LPCAT2: variants seen among roughly 807,000 people sequenced by gnomAD.
LPCAT2 encodes the protein 1-AGP acyltransferase 11.
A neutral mutation model predicts 64.7 loss-of-function variants in LPCAT2; 58 were observed. That is an observed-to-expected ratio of 0.90 (90% CI 0.73 to 1.12). LPCAT2 has a LOEUF of 1.12. Among genes scored for constraint, LPCAT2 ranks in the 50% most tolerant of loss-of-function variants. The pLI is 0.00. For synonymous variants in LPCAT2, 252 were observed against 245.3 expected (o/e 1.03, Z -0.26); for missense variants, 579 against 669.8 (o/e 0.86, Z 1.50).
At chr16:55,527,693 A>G (rs989681268) in intron 2 of LPCAT2, among the ~76,000 whole-genome samples, 1 of 152,156 alleles carries the variant, frequency 6.6e-6, no homozygotes, top group Non-Finnish European at 1.5e-5. Flanking sequence ...TAACTAATCT[A>G]TAATGGCAGA....
At chr16:55,528,843 T>C (rs1378652279) in intron 3 of LPCAT2, among the ~76,000 whole-genome samples, 1 of 152,200 alleles carries the variant, frequency 6.6e-6, no homozygotes, top group African/African-American at 2.4e-5. Flanking sequence ...TCTGTTCTTA[T>C]ATATAGCCAG....
At position 55,561,217 on chromosome 16, in the gene LPCAT2, T is replaced by A. The variant is rs184549317; in HGVS notation, c.1215+10115T>A. Among the ~76,000 whole-genome samples the A allele has an allele frequency of 2.6e-5, 4 of 152,186 alleles. No homozygotes were observed. The Middle Eastern group carries it at 0.01, about 391-fold the overall frequency. ...CGTATTTTGCTTATCCATTTGCCAGTTGGTAAACATTTAGGTTGTTTCCAT... is the reference window on the plus strand; with the variant it reads ...CGTATTTTGCTTATCCATTTGCCAGATGGTAAACATTTAGGTTGTTTCCAT... On this transcript the variant is annotated intron_variant, in intron 11 of 13. Transcript: ENST00000262134.
rs762716133 is a variant in LPCAT2, at chr16:55,550,995, A to G, written c.1108A>G (p.Ile370Val). 4.3e-6 allele frequency: 7 copies of G among 1,610,538 alleles called. No individual in the cohort carries two copies. The Admixed American group carries it at 1.0e-4, about 23-fold the overall frequency. Reference sequence around the variant, plus strand: ...TAAGCATTTGGATGAATATGCATCTATTGCGAGTTCCTCAAAAGGAGGAAG... The same window carrying G: ...TAAGCATTTGGATGAATATGCATCTGTTGCGAGTTCCTCAAAAGGAGGAAG... ...VRKHLDEYAS[I>V]ASSSKGGRIG... Residue 370 changes from isoleucine (I) to valine (V), a missense_variant, in exon 11 of 14, where the codon ATT (isoleucine) becomes GTT (valine). Physicochemically the swap from Ile to Val is conservative, Grantham distance 29. Coordinates refer to ENST00000262134, the MANE Select transcript of LPCAT2 (RefSeq NM_017839.5).
rs766483361 is a variant in LPCAT2, at chr16:55,509,303, C to T, written c.122C>T (p.Pro41Leu). 4.0e-6 allele frequency: 6 copies of T among 1,508,042 alleles called. No individual in the cohort carries two copies. In the South Asian group the frequency reaches 7.5e-5, roughly 19 times the overall value. 93.4% of individuals were successfully genotyped at this position (1,508,042 alleles called of 1,614,324 possible). ...GCGTCCTTCTTCCCGCCGCCGGTGCCGAACCCCTTCGTGCAGCAGACGCAG... is the reference window on the plus strand; with the variant it reads ...GCGTCCTTCTTCCCGCCGCCGGTGCTGAACCCCTTCGTGCAGCAGACGCAG... ...RQASFFPPPV[P>L]NPFVQQTQIG... The change falls in exon 1 of 14, where the codon CCG becomes CTG. Residue 41 changes from proline (P) to leucine (L), a missense_variant. Coordinates refer to ENST00000262134, the MANE Select transcript of LPCAT2 (RefSeq NM_017839.5).
At chr16:55,528,637 C>T (rs1326148015) in intron 3 of LPCAT2, 43 bp downstream of exon 3, 3 of 1,425,136 alleles carry the variant, frequency 2.1e-6, no homozygotes, top group East Asian at 4.6e-5. Flanking sequence ...TTTTCATGCT[C>T]ATGCTTTAAA....
chr16:55,535,574 C>T (rs550463078), intron 7 of LPCAT2, among the ~76,000 whole-genome samples: 2 of 152,176 alleles, frequency 1.3e-5, no homozygotes, highest in South Asian at 4.1e-4. Flanking sequence ...CTTTCACTTA[C>T]CAGGAAATCA....
intron 12 of LPCAT2, among the ~76,000 whole-genome samples, chr16:55,577,695 C>G (rs189191426): frequency 6.6e-6 from 1 of 152,272 alleles, no homozygotes; most frequent in Admixed American, 6.5e-5. Context: ...CCTTATTTTG[C>G]TGCATGACTT....
chr16:55,525,640 T>G lies in LPCAT2; in HGVS notation c.304T>G (p.Trp102Gly). 1 of 1,600,164 alleles carries G rather than the reference T, an allele frequency of 6.2e-7. No individual in the cohort carries two copies. The highest frequency in any genetic ancestry group is 8.5e-7 in the Non-Finnish European group (1 of 1,174,526). The change falls in exon 2 of 14, where the codon TGG becomes GGG. Residue 102 changes from tryptophan to glycine, a missense_variant. Trp to Gly is a radical substitution (Grantham distance 184). Transcript: ENST00000262134. ...AAAGCTGACCCACCCAATAACTGGT[T>G]GGAGGAGGTAAGAAATAATTTTGTC... ...PEKLTHPITGWRRKITQTALK... is the reference protein window; with the variant it reads ...PEKLTHPITGGRRKITQTALK...
chr16:55,526,906 A>T (rs1963178880), intron 2 of LPCAT2, among the ~76,000 whole-genome samples: 1 of 152,198 alleles, frequency 6.6e-6, no homozygotes, highest in African/African-American at 2.4e-5. Context: ...CCAGACTTAG[A>T]GCCATTCTTT....
At chr16:55,563,644 A>C (rs1183242227) in intron 11 of LPCAT2, among the ~76,000 whole-genome samples, 1 of 151,992 alleles carries the variant, frequency 6.6e-6, no homozygotes, top group African/African-American at 2.4e-5. Context: ...TGCATTTGAC[A>C]AAATTCAGTA....
At chr16:55,561,193 G>A (rs1046264693) in intron 11 of LPCAT2, among the ~76,000 whole-genome samples, 3 of 151,810 alleles carry the variant, frequency 2.0e-5, no homozygotes, top group Non-Finnish European at 4.4e-5. Context: ...TGGATATATC[G>A]TATTTTGCTT....
intron 9 of LPCAT2, among the ~76,000 whole-genome samples, chr16:55,546,441 A>T (rs1963454462): frequency 6.6e-6 from 1 of 152,120 alleles, no homozygotes; most frequent in Admixed American, 6.6e-5. Flanking sequence ...TCCTCTTCCC[A>T]CACACCACCT....
intron 8 of LPCAT2, 61 bp downstream of exon 8, chr16:55,537,693 CTCTAG>C: frequency 7.0e-7 from 1 of 1,436,062 alleles, no homozygotes; most frequent in Non-Finnish European, 9.8e-7. Context: ...AATTTTGAAC[CTCTAG>C]TCTAGAGAGA....
intron 8 of LPCAT2, among the ~76,000 whole-genome samples, chr16:55,543,239 C>G (rs1415369944): frequency 1.3e-5 from 2 of 152,112 alleles, no homozygotes; most frequent in Admixed American, 1.3e-4. Flanking sequence ...CTCAGTGGAA[C>G]TTTATTCCTT....
At chr16:55,551,891 T>C (rs1222505372) in intron 11 of LPCAT2, among the ~76,000 whole-genome samples, 1 of 152,066 alleles carries the variant, frequency 6.6e-6, no homozygotes, top group Non-Finnish European at 1.5e-5. Context: ...GAGGTTGCAA[T>C]GAGCCAAGAT....
intron 11 of LPCAT2, among the ~76,000 whole-genome samples, chr16:55,559,657 T>C (rs776343906): frequency 3.3e-5 from 5 of 152,020 alleles, no homozygotes; most frequent in Non-Finnish European, 5.9e-5. Flanking sequence ...TAACGTTTTA[T>C]ATGTAATACA....
chr16:55,567,011 TA>T, intron 11 of LPCAT2: 1 of 1,613,902 alleles, frequency 6.2e-7, no homozygotes. Flanking sequence ...GGCAACAATT[TA>T]CACAGCTGGC....
At chr16:55,578,986 A>T in intron 12 of LPCAT2, 123 bp from the exon 13 acceptor site, 1 of 849,288 alleles carries the variant, frequency 1.2e-6, no homozygotes, top group Non-Finnish European at 1.9e-6. Context: ...ATACTTTCTT[A>T]ATATACATAT....
intron 6 of LPCAT2, among the ~76,000 whole-genome samples, chr16:55,534,107 G>A (rs9928032): frequency 4.0e-5 from 6 of 151,668 alleles, no homozygotes; most frequent in African/African-American, 7.3e-5. Flanking sequence ...TTTTGAAAAC[G>A]GATATATTCT....
Sources: allele counts gnomAD v4.1 joint callset (sites outside exome capture counted in the v4.1 genomes callset), GRCh38; gene constraint gnomAD v4.1.1; transcripts MANE v1.5; gene names NCBI Gene and HGNC (gene_info 2026-07-23, HGNC 2026-07-21).